The following TBC1D8 variants were observed in gnomAD, a reference collection of about 807,000 sequenced individuals.
The protein encoded by TBC1D8 is BUB2-like protein 1.
Under a neutral mutation model 118.8 loss-of-function variants are expected in TBC1D8, and 65 were observed. The ratio of observed to expected loss-of-function variants is 0.55; its 90% CI spans 0.45 to 0.67. The LOEUF (loss-of-function observed/expected upper bound fraction) is 0.67. TBC1D8 is among the 30% of genes least tolerant of loss of function. TBC1D8 has a pLI of 0.00. For missense variants in TBC1D8, 1,376 were observed against 1,471.2 expected, an observed-to-expected ratio of 0.94 and a Z score of 1.06; for synonymous variants, 566 against 595.8, an observed-to-expected ratio of 0.95 and a Z score of 0.73.
intron 12 of TBC1D8, 117 bp from the exon 13 acceptor site, chr2:101,028,549 G>A (rs978055001): frequency 1.9e-5 from 27 of 1,392,072 alleles, no homozygotes; most frequent in South Asian, 4.9e-5. Flanking sequence ...CCTGGGAGGA[G>A]GGCAAGGCTG....
chr2:101,123,665 A>C (rs529954097), intron 1 of TBC1D8, among the ~76,000 whole-genome samples: 1 of 152,346 alleles, frequency 6.6e-6, no homozygotes, highest in East Asian at 1.9e-4. Context: ...AATCACCTTA[A>C]GGACCAGTAT....
At chr2:101,038,732 C>G (rs139506739) in intron 6 of TBC1D8, 77 bp from the exon 7 acceptor site, 327 of 1,507,998 alleles carry the variant, frequency 2.2e-4, no homozygotes, top group Non-Finnish European at 2.8e-4. Context: ...GAAGATGTCC[C>G]GAAACAGAGG....
At chr2:101,112,951 T>C (rs904557849) in intron 1 of TBC1D8, among the ~76,000 whole-genome samples, 1 of 152,196 alleles carries the variant, frequency 6.6e-6, no homozygotes. Context: ...AGACAGTATC[T>C]GCCTTGGGTC....
chr2:101,150,016 C>A (rs1679487151), intron 1 of TBC1D8, among the ~76,000 whole-genome samples: 1 of 152,194 alleles, frequency 6.6e-6, no homozygotes, highest in South Asian at 2.1e-4. Context: ...CAACTCCCAC[C>A]CACTCACCCG....
At chr2:101,027,530 T>A in intron 14 of TBC1D8, 79 bp from the exon 15 acceptor site, 1 of 1,312,850 alleles carries the variant, frequency 7.6e-7, no homozygotes, top group Non-Finnish European at 1.1e-6. Flanking sequence ...GGACTCTTCC[T>A]CCTGAAGGGG....
At chr2:101,073,347 T>G (rs1230966400) in intron 2 of TBC1D8, among the ~76,000 whole-genome samples, 1 of 150,824 alleles carries the variant, frequency 6.6e-6, no homozygotes, top group East Asian at 1.9e-4. Context: ...CAGGCTGGAG[T>G]GCAGTGCCAC....
rs370233714 is a variant in TBC1D8, at chr2:101,040,853, G to A, written c.873-468C>T. ...CCATGCATGTCCTGTGCTGGTGCACGTGGGCATCCCACATTCTAACTGCAT... is the reference window on the plus strand; with the variant it reads ...CCATGCATGTCCTGTGCTGGTGCACATGGGCATCCCACATTCTAACTGCAT... On this transcript the variant is annotated intron_variant, in intron 5 of 19. Transcript: ENST00000409318. Among the ~76,000 whole-genome samples, 19 of 152,388 alleles carry A rather than the reference G, an allele frequency of 1.2e-4. No individual in the cohort carries two copies. In the East Asian group the frequency reaches 2.3e-3, roughly 19 times the overall value.
intron 2 of TBC1D8, among the ~76,000 whole-genome samples, chr2:101,074,771 CTA>C (rs1253947637): frequency 6.6e-6 from 1 of 152,086 alleles, no homozygotes; most frequent in Non-Finnish European, 1.5e-5. Context: ...TAAGTTATAA[CTA>C]TGTAGTTTTA....
In TBC1D8 at chr2:101,151,232, C is replaced by T; in HGVS notation, c.22G>A (p.Val8Met). Residue 8 changes from valine (V) to methionine (M), a missense_variant, in exon 1 of 20, where the codon GTG (valine) becomes ATG (methionine). Coordinates refer to ENST00000409318, the MANE Select transcript of TBC1D8 (RefSeq NM_001330348.2). ...AGCTTCAGCGCGTTCTTCAGCAGCA[C>T]CTCCTCGGGCTTGAGCCACATCGCG... MWLKPEEVLLKNALKLWV... is the reference protein window; with the variant it reads MWLKPEEMLLKNALKLWV... The T allele has an allele frequency of 8.1e-7, 1 of 1,237,098 alleles. No individual in the cohort carries two copies. Among genetic ancestry groups the T allele is most frequent in the Non-Finnish European group, 1.0e-6 (1 of 964,618 alleles). The allele number at this position is 1,237,098 out of a possible 1,614,324, so 76.6% of individuals were successfully genotyped here.
intron 12 of TBC1D8, 185 bp from the exon 13 acceptor site, chr2:101,028,617 T>C (rs568777467): frequency 2.7e-5 from 22 of 810,764 alleles, no homozygotes; most frequent in South Asian, 2.5e-4. Flanking sequence ...GGCTTGTGGA[T>C]TGGGCTCCAC....
intron 1 of TBC1D8, among the ~76,000 whole-genome samples, chr2:101,147,082 G>A (rs1473044123): frequency 1.3e-5 from 2 of 151,628 alleles, no homozygotes; most frequent in East Asian, 3.9e-4. Flanking sequence ...AGAGGCCGAG[G>A]CCGAGGCCGA....
chr2:101,054,529 G>A (rs1018570729), intron 3 of TBC1D8, among the ~76,000 whole-genome samples, 193 bp from the exon 4 acceptor site: 1 of 151,768 alleles, frequency 6.6e-6, no homozygotes, highest in Non-Finnish European at 1.5e-5. Flanking sequence ...CACGGCTGCA[G>A]CAGAAAAAAA....
At chr2:101,070,308 C>T (rs997243157) in intron 2 of TBC1D8, among the ~76,000 whole-genome samples, 3 of 151,416 alleles carry the variant, frequency 2.0e-5, no homozygotes, top group Admixed American at 2.0e-4. Flanking sequence ...TAGAAAAAAC[C>T]TTTTTTAACC....
At chr2:101,081,139 C>T (rs937206413) in intron 2 of TBC1D8, among the ~76,000 whole-genome samples, 10 of 152,294 alleles carry the variant, frequency 6.6e-5, no homozygotes, top group Admixed American at 1.3e-4. Flanking sequence ...ACTTCTTTAA[C>T]GATCTTTAAC....
At chr2:101,036,810 GAAAT>G (rs1192051238) in intron 8 of TBC1D8, among the ~76,000 whole-genome samples, 2 of 152,192 alleles carry the variant, frequency 1.3e-5, no homozygotes, top group Non-Finnish European at 2.9e-5. Context: ...AGTAATGGCA[GAAAT>G]AAATACATAT....
At chr2:101,072,388 AAGAG>A (rs1172236567) in intron 2 of TBC1D8, among the ~76,000 whole-genome samples, 3 of 151,978 alleles carry the variant, frequency 2.0e-5, no homozygotes, top group African/African-American at 7.3e-5. Context: ...GAGAGAGAAA[AAGAG>A]AGCACAAAAG....
Position 101,007,614 on chromosome 2 carries a change from T to C in TBC1D8, c.*207A>G, listed in dbSNP as rs1678825015. ...TGTAAGTTGGCATCAAGGGAACCAA[T>C]GGATACCTTAGGGCACTGACAATTC... On this transcript the variant is annotated 3_prime_UTR_variant, in exon 20 of 20. Transcript: ENST00000409318. 5 of 572,712 alleles carry C rather than the reference T, an allele frequency of 8.7e-6. No individual in the cohort carries two copies. The highest frequency in any genetic ancestry group is 1.5e-5 in the Non-Finnish European group (5 of 327,582). 35.5% of individuals were successfully genotyped at this position (572,712 alleles called of 1,614,324 possible).
At chr2:101,029,988 C>T (rs930875085) in intron 11 of TBC1D8, 6 of 497,720 alleles carry the variant, frequency 1.2e-5, no homozygotes, top group Non-Finnish European at 2.1e-5. Context: ...GCTTGATCAG[C>T]TGGAAAGTGG....
chr2:101,108,401 G>A (rs1677363774), intron 1 of TBC1D8, among the ~76,000 whole-genome samples: 1 of 152,184 alleles, frequency 6.6e-6, no homozygotes, highest in Non-Finnish European at 1.5e-5. Flanking sequence ...TGGACTCTGG[G>A]TAATAATAAT....
Sources: gnomAD v4.1 joint callset for allele counts (sites outside exome capture counted in the v4.1 genomes callset) on GRCh38, gnomAD v4.1.1 for gene constraint, MANE v1.5 for transcripts, NCBI Gene and HGNC (gene_info 2026-07-23, HGNC 2026-07-21) for gene names.